The following LAMB4 variants were observed in gnomAD, a reference collection of about 807,000 sequenced individuals.
LAMB4 encodes laminin subunit beta-4.
Under a neutral mutation model 199.2 loss-of-function variants are expected in LAMB4, and 196 were observed. The ratio of observed to expected loss-of-function variants is 0.98; its 90% CI spans 0.88 to 1.11. The LOEUF is 1.11. Ranked by LOEUF, LAMB4 falls within the 50% of genes least tolerant of loss-of-function variation. LAMB4 has a pLI of 0.00. For missense variants in LAMB4, 2,080 were observed against 2,171.2 expected (o/e 0.96, Z 0.83); for synonymous variants, 744 against 770.6 (o/e 0.97, Z 0.57).
intron 8 of LAMB4, 73 bp from the exon 9 acceptor site, chr7:108,104,692 A>G (rs2150652215): frequency 6.4e-7 from 1 of 1,554,916 alleles, no homozygotes; most frequent in African/African-American, 1.4e-5. Flanking sequence ...TAAATGGGAA[A>G]TGAAATACCA....
At chr7:108,085,181 G>A (rs1231637599) in intron 14 of LAMB4, among the ~76,000 whole-genome samples, 1 of 152,182 alleles carries the variant, frequency 6.6e-6, no homozygotes, top group Non-Finnish European at 1.5e-5. Context: ...TATGCTGAAG[G>A]TAGAGTGTTG....
intron 19 of LAMB4, among the ~76,000 whole-genome samples, chr7:108,066,938 T>C (rs1450919376): frequency 6.6e-6 from 1 of 151,286 alleles, no homozygotes; most frequent in East Asian, 1.9e-4. Context: ...TATATATAAA[T>C]ACTATACTAA....
intron 3 of LAMB4, among the ~76,000 whole-genome samples, chr7:108,112,158 A>G (rs951740239): frequency 1.3e-5 from 2 of 152,234 alleles, no homozygotes; most frequent in African/African-American, 4.8e-5. Flanking sequence ...ATACATTTGG[A>G]ATAAAAATGC....
rs754399652 is a variant in LAMB4 at position 108,024,048 on chromosome 7, G to A, written c.5277C>T (p.Cys1759=). The A allele has an allele frequency of 6.2e-7, 1 of 1,608,610 alleles. No individual in the cohort carries two copies. Among genetic ancestry groups the A allele is most frequent in the Non-Finnish European group, 8.5e-7 (1 of 1,178,346 alleles). ...IVEQEKKYAR[C]YS ...TGCTCTTTAACTCTGCCTAGCTATAGCACCTAGCATATTTTTTTTCTTGTT... is the reference window on the plus strand; with the variant it reads ...TGCTCTTTAACTCTGCCTAGCTATAACACCTAGCATATTTTTTTTCTTGTT... Residue 1759 remains cysteine, a synonymous_variant, in exon 34 of 34, where the codon TGC becomes TGT. Transcript: ENST00000388781.
At chr7:108,107,204 C>T (rs780447069) in intron 6 of LAMB4, among the ~76,000 whole-genome samples, 1 of 152,134 alleles carries the variant, frequency 6.6e-6, no homozygotes, top group Non-Finnish European at 1.5e-5. Context: ...CCTGTTCAAT[C>T]CCACTCACTC....
At position 108,079,655 on chromosome 7, in the gene LAMB4, G is replaced by T; in HGVS notation, c.1833C>A (p.Val611=). Residue 611 remains valine (V), a synonymous_variant, in exon 15 of 34, where the codon GTC becomes GTA. Coordinates refer to ENST00000388781, the MANE Select transcript of LAMB4 (RefSeq NM_007356.3). The part of the protein sequence containing the change: ...VLPGAGLRFA[V]NNIPFPVDFT... Reference sequence around the variant, plus strand: ...AGTCCACAGGAAAGGGAATGTTGTTGACAGCAAATCTCAAGCCAGCCCCAG... The same window carrying T: ...AGTCCACAGGAAAGGGAATGTTGTTTACAGCAAATCTCAAGCCAGCCCCAG... 6.2e-7 allele frequency: 1 copy of T among 1,613,166 alleles called. No individual in the cohort carries two copies. The highest frequency in any genetic ancestry group is 8.5e-7 in the Non-Finnish European group (1 of 1,179,684).
intron 31 of LAMB4, among the ~76,000 whole-genome samples, chr7:108,031,302 G>A (rs1412190864): frequency 1.0e-5 from 1 of 95,584 alleles, no homozygotes; most frequent in East Asian, 3.2e-4. Flanking sequence ...CGGCCTGGGT[G>A]ACAAAGAGAT....
chr7:108,123,301 T>C (rs988024232), intron 1 of LAMB4, 104 bp from the exon 2 acceptor site: 1 of 608,632 alleles, frequency 1.6e-6, no homozygotes, highest in Non-Finnish European at 2.8e-6. Context: ...TCTTATGCTT[T>C]AGACATACGA....
intron 14 of LAMB4, among the ~76,000 whole-genome samples, chr7:108,081,976 G>A (rs562708378): frequency 9.2e-5 from 14 of 152,210 alleles, no homozygotes; most frequent in South Asian, 6.2e-4. Context: ...AGAGACTCTC[G>A]TCTCCTTAAA....
At chr7:108,044,670 C>T (rs1290276322) in intron 28 of LAMB4, among the ~76,000 whole-genome samples, 1 of 151,970 alleles carries the variant, frequency 6.6e-6, no homozygotes, top group Non-Finnish European at 1.5e-5. Flanking sequence ...AAATAAAATC[C>T]GCTGGGCATG....
the LAMB4 span, among the ~76,000 whole-genome samples, chr7:108,017,649 A>G: frequency 1.3e-5 from 2 of 152,218 alleles, no homozygotes; most frequent in African/African-American, 4.8e-5. Flanking sequence ...GGAACTCCAG[A>G]AAAAGGGCTT....
chr7:108,073,207 T>C (rs1026005033), intron 17 of LAMB4, among the ~76,000 whole-genome samples: 1 of 152,200 alleles, frequency 6.6e-6, no homozygotes, highest in Non-Finnish European at 1.5e-5. Context: ...GGTTTTGCCA[T>C]GTTGGCCAGG....
intron 1 of LAMB4, among the ~76,000 whole-genome samples, chr7:108,126,138 G>A (rs746725036): frequency 2.6e-5 from 4 of 152,168 alleles, no homozygotes; most frequent in Admixed American, 2.0e-4. Flanking sequence ...AGATCAGCAG[G>A]CCACAGCCCT....
Position 108,107,795 on chromosome 7 carries a change from C to A in LAMB4, c.427G>T (p.Val143Phe). The A allele has an allele frequency of 6.3e-7, 1 of 1,597,626 alleles. No homozygotes were observed. Among genetic ancestry groups the A allele is most frequent in the East Asian group, 2.3e-5 (1 of 44,390 alleles). The change falls in exon 6 of 34, where the codon GTT becomes TTT. Residue 143 changes from valine to phenylalanine, a missense_variant. Transcript: ENST00000388781. ...FKTFRPAAML[V>F]ERSTDYGHNW... is the part of the protein sequence containing the mutation. ...TGTCCATAGTCTGTGGAACGTTCAA[C>A]TAACATTGCAGCAGGCCGAAAAGTC...
chr7:108,097,161 C>G (rs2037639547), intron 11 of LAMB4, among the ~76,000 whole-genome samples: 1 of 152,062 alleles, frequency 6.6e-6, no homozygotes, highest in African/African-American at 2.4e-5. Flanking sequence ...CGTTTTATTA[C>G]AGAAAGATTC....
At chr7:108,059,299 G>A (rs1475592095) in intron 23 of LAMB4, among the ~76,000 whole-genome samples, 2 of 151,680 alleles carry the variant, frequency 1.3e-5, no homozygotes, top group East Asian at 1.9e-4. Flanking sequence ...GTAGAGACGG[G>A]GTTGAATCTG....
intron 28 of LAMB4, among the ~76,000 whole-genome samples, chr7:108,047,611 T>C (rs1246086359): frequency 6.6e-6 from 1 of 151,956 alleles, no homozygotes; most frequent in Non-Finnish European, 1.5e-5. Context: ...TTTGGGGGAG[T>C]CAAAAGTTAC....
At chr7:108,119,037 A>G (rs560917483) in intron 2 of LAMB4, among the ~76,000 whole-genome samples, 2 of 152,344 alleles carry the variant, frequency 1.3e-5, no homozygotes, top group East Asian at 3.9e-4. Context: ...ACACATGAAA[A>G]GAGGTTCAAC....
chr7:108,085,567 T>C (rs1323580405), intron 14 of LAMB4, among the ~76,000 whole-genome samples: 2 of 152,186 alleles, frequency 1.3e-5, no homozygotes, highest in Admixed American at 1.3e-4. Context: ...TGTTTCCTTC[T>C]GGTTTTAGAA....
Sources: gnomAD v4.1 joint callset for allele counts (sites outside exome capture counted in the v4.1 genomes callset) on GRCh38, gnomAD v4.1.1 for gene constraint, MANE v1.5 for transcripts, NCBI Gene and HGNC (gene_info 2026-07-23, HGNC 2026-07-21) for gene names.